HDAC4: variants seen among roughly 807,000 people sequenced by gnomAD.
HDAC4 encodes the protein histone deacetylase A.
In HDAC4, 16 loss-of-function variants were observed where a neutral mutation model predicts 135.1. That is an observed-to-expected ratio of 0.12 (90% CI 0.08 to 0.18). The LOEUF is 0.18. Ranked by LOEUF, HDAC4 falls within the 10% of genes least tolerant of loss-of-function variation. The probability of loss-of-function intolerance (pLI) is 1.00; values close to 1 mark genes in which losing one functional copy is unlikely to be tolerated. For missense variants in HDAC4, 1,143 were observed against 1,511.8 expected (o/e 0.76, Z 4.05); for synonymous variants, 685 against 653.4 (o/e 1.05, Z -0.74).
intron 3 of HDAC4, among the ~76,000 whole-genome samples, chr2:239,204,935 A>G (rs1391421730): frequency 1.3e-5 from 2 of 152,048 alleles, no homozygotes; most frequent in East Asian, 1.9e-4. Flanking sequence ...AGCTAACTCA[A>G]TGTCACAGGG....
At chr2:239,346,102 A>C (rs943519109) in intron 2 of HDAC4, among the ~76,000 whole-genome samples, 27 of 151,248 alleles carry the variant, frequency 1.8e-4, no homozygotes, top group Admixed American at 1.3e-3. Flanking sequence ...ACACCCTAAC[A>C]CACATACACA....
In HDAC4 at chr2:239,352,357, C is replaced by A. The variant is rs930762908; in HGVS notation, c.22+321G>T. ...AACAACAAAGACACTGGGCAAGAAA[C>A]CAGCTCTCCACATCACAACCTGACC... is the stretch of plus-strand genomic sequence containing the variant. On this transcript the variant is annotated intron_variant, in intron 2 of 26. Coordinates refer to ENST00000543185, the MANE Select transcript of HDAC4 (RefSeq NM_001378414.1). The surrounding 1 kb of genome is among the most constrained non-coding windows in gnomAD (Gnocchi z 4.4). Among the ~76,000 whole-genome samples, 3 of 152,028 alleles carry A rather than the reference C, an allele frequency of 2.0e-5. No individual in the cohort carries two copies. Among genetic ancestry groups the A allele is most frequent in the Admixed American group, 2.0e-4 (3 of 15,262 alleles).
In HDAC4 at chr2:239,308,023, C is replaced by T. The variant is rs979450779; in HGVS notation, c.22+44655G>A. 1.3e-5 allele frequency among the ~76,000 whole-genome samples: 2 copies of T among 152,192 alleles called. No homozygotes were observed. The highest frequency in any genetic ancestry group is 1.9e-4 in the East Asian group (1 of 5,182). ...ACAGCAATGAGTGGCCACACAGCAACGAGCTGCGAGGAGCCAAGGATGGCC... is the reference window on the plus strand; with the variant it reads ...ACAGCAATGAGTGGCCACACAGCAATGAGCTGCGAGGAGCCAAGGATGGCC... On this transcript the variant is annotated intron_variant, in intron 2 of 26. Transcript: ENST00000543185. This position sits in a 1 kb window ranked among gnomAD's most constrained non-coding sequence, Gnocchi z 4.2.
chr2:239,358,605 GACTC>G (rs1161146844), intron 1 of HDAC4, among the ~76,000 whole-genome samples: 1 of 152,298 alleles, frequency 6.6e-6, no homozygotes, highest in African/African-American at 2.4e-5. Flanking sequence ...CGCGCGTAGG[GACTC>G]ACTCACACCT....
chr2:239,076,698 G>A (rs2034802683), intron 22 of HDAC4, among the ~76,000 whole-genome samples: 2 of 152,136 alleles, frequency 1.3e-5, no homozygotes, highest in South Asian at 4.1e-4. Context: ...AAATGCCCTG[G>A]GGCATCGTCC....
intron 24 of HDAC4, among the ~76,000 whole-genome samples, chr2:239,056,370 C>CGA (rs2031846731): frequency 6.6e-6 from 1 of 152,188 alleles, no homozygotes; most frequent in Non-Finnish European, 1.5e-5. Context: ...ATACAAGACA[C>CGA]GAGAGCCTGG....
At chr2:239,215,156 C>T (rs1016633148) in intron 3 of HDAC4, among the ~76,000 whole-genome samples, 14 of 152,114 alleles carry the variant, frequency 9.2e-5, no homozygotes, top group African/African-American at 3.4e-4. Flanking sequence ...AGGAGTGGGC[C>T]GGAGACAAGC....
In HDAC4 at chr2:239,066,830, C is replaced by A. The variant is rs2033552019; in HGVS notation, c.2895G>T (p.Leu965=). ...CAATCCGGCCGCCAGCCAGGCCCAT[C>A]AGCTGCTTCGTCAGGTACCCGAAGC... The part of the protein sequence containing the change: ...ARCFGYLTKQ[L]MGLAGGRIVL... Residue 965 remains leucine, a synonymous_variant, in exon 24 of 27, where the codon CTG becomes CTT. Coordinates refer to ENST00000543185, the MANE Select transcript of HDAC4 (RefSeq NM_001378414.1). 1 of 1,613,494 alleles carries A rather than the reference C, an allele frequency of 6.2e-7. No individual in the cohort carries two copies.
In HDAC4 at chr2:239,341,485, G is replaced by A. The variant is rs536905614; in HGVS notation, c.22+11193C>T. Among the ~76,000 whole-genome samples the A allele has an allele frequency of 2.0e-5, 3 of 152,292 alleles. No homozygotes were observed. The South Asian group carries it at 6.2e-4, about 32-fold the overall frequency. ...TGCATCACACTACCTAACAGGGAGG[G>A]AGGAACTTCCCCTCAATACGGCCTT... On this transcript the variant is annotated intron_variant, in intron 2 of 26. Transcript: ENST00000543185.
chr2:239,058,912 T>C (rs149947608), intron 24 of HDAC4, among the ~76,000 whole-genome samples: 43 of 152,304 alleles, frequency 2.8e-4, no homozygotes, highest in African/African-American at 8.7e-4. Flanking sequence ...AGAGGACACA[T>C]TATCCCAAAC....
chr2:239,376,838 T>C (rs1695045044), intron 1 of HDAC4, among the ~76,000 whole-genome samples: 1 of 149,758 alleles, frequency 6.7e-6, no homozygotes, highest in Non-Finnish European at 1.5e-5. Flanking sequence ...ACTCCCTGAG[T>C]AAGCACAGCA....
rs1248244083 is a variant in HDAC4 at position 239,331,958 on chromosome 2, C to T, written c.22+20720G>A. Among the ~76,000 whole-genome samples, 6 of 152,100 alleles carry T rather than the reference C, an allele frequency of 3.9e-5. No individual in the cohort carries two copies. The highest frequency in any genetic ancestry group is 1.4e-4 in the African/African-American group (6 of 41,418). Reference sequence around the variant, plus strand: ...GGACCTGACCAGTCCTCACAGAATCCGCAGCTTGAGCGTAAGAAGGGATAC... The same window carrying T: ...GGACCTGACCAGTCCTCACAGAATCTGCAGCTTGAGCGTAAGAAGGGATAC... On this transcript the variant is annotated intron_variant, in intron 2 of 26. Transcript: ENST00000543185. The surrounding 1 kb of genome is among the most constrained non-coding windows in gnomAD (Gnocchi z 4.5).
intron 2 of HDAC4, among the ~76,000 whole-genome samples, chr2:239,282,117 C>T (rs1035586300): frequency 6.7e-6 from 1 of 149,992 alleles, no homozygotes; most frequent in African/African-American, 2.5e-5. Context: ...CTACACACCA[C>T]TCTACAATGT....
At chr2:239,106,766 G>T (rs1288684702) in intron 15 of HDAC4, among the ~76,000 whole-genome samples, 1 of 152,214 alleles carries the variant, frequency 6.6e-6, no homozygotes, top group Non-Finnish European at 1.5e-5. Context: ...TGCAGGGCGG[G>T]ACCCTGCAGA....
Position 239,146,372 on chromosome 2 carries a change from G to A in HDAC4, c.734-1658C>T, listed in dbSNP as rs1559509574. ...CGGGCCTGGGACAGGAGCCACTTCT[G>A]AGAGGCAGGGGCTGTGTGTGCCCAC... On this transcript the variant is annotated intron_variant, in intron 7 of 26. Coordinates refer to ENST00000543185, the MANE Select transcript of HDAC4 (RefSeq NM_001378414.1). This position sits in a 1 kb window ranked among gnomAD's most constrained non-coding sequence, Gnocchi z 4.5. Among the ~76,000 whole-genome samples, 1 of 152,236 alleles carries A rather than the reference G, an allele frequency of 6.6e-6. No individual in the cohort carries two copies. The highest frequency in any genetic ancestry group is 1.5e-5 in the Non-Finnish European group (1 of 68,040).
chr2:239,154,267 C>G (rs1309384871), intron 7 of HDAC4, among the ~76,000 whole-genome samples: 1 of 152,118 alleles, frequency 6.6e-6, no homozygotes, highest in Non-Finnish European at 1.5e-5. Flanking sequence ...GAAGCTCCCT[C>G]CTGGGTCCAT....
intron 24 of HDAC4, among the ~76,000 whole-genome samples, chr2:239,063,815 T>C (rs1440106385): frequency 6.6e-6 from 1 of 152,206 alleles, no homozygotes; most frequent in Non-Finnish European, 1.5e-5. Context: ...CTCCCTCCTG[T>C]CTGGGAGACC....
chr2:239,399,246 C>T (rs1197374708), intron 1 of HDAC4, among the ~76,000 whole-genome samples: 1 of 152,230 alleles, frequency 6.6e-6, no homozygotes, highest in African/African-American at 2.4e-5. Flanking sequence ...GATGAAACTT[C>T]TAACTCGGTG....
chr2:239,158,227 A>G (rs916122855), intron 6 of HDAC4, among the ~76,000 whole-genome samples: 1 of 152,174 alleles, frequency 6.6e-6, no homozygotes. Flanking sequence ...TTCAGATTGT[A>G]TCCTATGGGG....
Sources: gnomAD v4.1 joint callset for allele counts (sites outside exome capture counted in the v4.1 genomes callset) on GRCh38, gnomAD v4.1.1 for gene constraint, Gnocchi (gnomAD v3.1) non-coding constraint, MANE v1.5 for transcripts, NCBI Gene and HGNC (gene_info 2026-07-23, HGNC 2026-07-21) for gene names.